Variants in RASEF observed in about 807,000 individuals in gnomAD.
The protein encoded by RASEF is ras and EF-hand domain-containing protein.
A neutral mutation model predicts 90.1 loss-of-function variants in RASEF; 68 were observed. That is an observed-to-expected ratio of 0.75 (90% confidence interval 0.62 to 0.92). The LOEUF (loss-of-function observed/expected upper bound fraction) is 0.92, where lower values mean the gene tolerates loss of function less well. Ranked by LOEUF, RASEF falls within the 40% of genes least tolerant of loss-of-function variation. The probability of loss-of-function intolerance (pLI) is 0.00; values close to 1 mark genes in which losing one functional copy is unlikely to be tolerated. For missense variants in RASEF, 949 were observed against 937.2 expected (o/e 1.01, Z -0.16); for synonymous variants, 331 against 345.2 (o/e 0.96, Z 0.46).
At chr9:83,194,394 G>A in the RASEF span, among the ~76,000 whole-genome samples, 1 of 152,194 alleles carries the variant, frequency 6.6e-6, no homozygotes, top group African/African-American at 2.4e-5. Context: ...CTAGGGTCAG[G>A]TGTGGGAGGG....
chr9:83,127,334 A>G, the RASEF span, among the ~76,000 whole-genome samples: 6 of 152,202 alleles, frequency 3.9e-5, no homozygotes, highest in African/African-American at 1.4e-4. Flanking sequence ...TTTTTTCTGT[A>G]GGACAGAAGT....
the RASEF span, among the ~76,000 whole-genome samples, chr9:83,091,476 ACCT>A: frequency 2.0e-5 from 3 of 152,206 alleles, no homozygotes; most frequent in Admixed American, 6.5e-5. Flanking sequence ...CAACACTGGG[ACCT>A]GGGAGGCAGA....
Position 83,001,149 on chromosome 9 carries a change from A to C in RASEF, c.1203-19T>G, listed in dbSNP as rs577966069. On this transcript the variant is annotated intron_variant, in intron 9 of 16. Transcript: ENST00000376447. The stretch of plus-strand genomic sequence containing the variant: ...GGATGACCTGGTAATAAAGGGGAAG[A>C]CCAATTTACCTGAGGGCTGGAAATG... 3.2e-6 allele frequency: 5 copies of C among 1,565,864 alleles called. No homozygotes were observed. The South Asian group carries it at 5.6e-5, about 17-fold the overall frequency.
chr9:83,026,658 C>G (rs1291414450), intron 1 of RASEF, among the ~76,000 whole-genome samples: 1 of 152,156 alleles, frequency 6.6e-6, no homozygotes, highest in Non-Finnish European at 1.5e-5. Context: ...AAGATGAGAT[C>G]TGAGTGGGGA....
chr9:83,141,799 T>C, the RASEF span, among the ~76,000 whole-genome samples: 2 of 152,116 alleles, frequency 1.3e-5, no homozygotes, highest in Non-Finnish European at 2.9e-5. Context: ...AAGGTTGAGG[T>C]CACGACTGGA....
chr9:83,043,373 C>T (rs989795293), intron 1 of RASEF, among the ~76,000 whole-genome samples: 8 of 146,600 alleles, frequency 5.5e-5, no homozygotes, highest in Admixed American at 1.4e-4. Context: ...AATAACTTCT[C>T]TGGAAAGAGG....
chr9:82,998,246 G>A, intron 13 of RASEF, 119 bp downstream of exon 13: 2 of 595,598 alleles, frequency 3.4e-6, no homozygotes, highest in Non-Finnish European at 6.0e-6. Flanking sequence ...ATGTAATTAT[G>A]CATATAATTA....
the RASEF span, among the ~76,000 whole-genome samples, chr9:83,192,511 C>A: frequency 5.3e-5 from 8 of 152,122 alleles, no homozygotes; most frequent in Admixed American, 3.9e-4. Flanking sequence ...ATGATGAGAG[C>A]ATGTGGACAC....
chr9:83,090,267 T>A, the RASEF span, among the ~76,000 whole-genome samples: 1 of 152,236 alleles, frequency 6.6e-6, no homozygotes, highest in South Asian at 2.1e-4. Context: ...TTTTTAGGCA[T>A]GGCTTTATTT....
intron 1 of RASEF, among the ~76,000 whole-genome samples, chr9:83,057,277 A>G (rs1057220297): frequency 6.6e-6 from 1 of 152,240 alleles, no homozygotes. Flanking sequence ...ATAATCTTAT[A>G]TCTAGAAAAC....
intron 16 of RASEF, among the ~76,000 whole-genome samples, chr9:82,985,966 C>T (rs934881627): frequency 7.2e-5 from 11 of 152,018 alleles, no homozygotes; most frequent in East Asian, 1.9e-4. Context: ...ATGGCGTTTC[C>T]GGTGGGGGTT....
chr9:83,043,937 A>C (rs1160215826), intron 1 of RASEF, among the ~76,000 whole-genome samples: 1 of 152,106 alleles, frequency 6.6e-6, no homozygotes, highest in Non-Finnish European at 1.5e-5. Flanking sequence ...GTGATTTAAC[A>C]CCAGTGCCCG....
chr9:83,046,375 C>T lies in RASEF; in HGVS notation c.431+16062G>A, dbSNP rs1353414772. Among the ~76,000 whole-genome samples the T allele has an allele frequency of 2.0e-5, 3 of 152,012 alleles. No individual in the cohort carries two copies. The East Asian group carries it at 5.8e-4, about 29-fold the overall frequency. On this transcript the variant is annotated intron_variant, in intron 1 of 16. Coordinates refer to ENST00000376447, the MANE Select transcript of RASEF (RefSeq NM_152573.4). ...AGTATAGATATCGAGTTGTCTGCAC[C>T]ATTCCTACTTTTTTTTCCATATGCC...
the RASEF span, among the ~76,000 whole-genome samples, chr9:83,072,072 C>A: frequency 6.6e-6 from 1 of 152,110 alleles, no homozygotes; most frequent in African/African-American, 2.4e-5. Flanking sequence ...AAATTATTTT[C>A]GACATTTCTG....
the RASEF span, among the ~76,000 whole-genome samples, chr9:83,162,562 C>A: frequency 6.6e-6 from 1 of 152,236 alleles, no homozygotes; most frequent in African/African-American, 2.4e-5. Context: ...GGCTTCCAGT[C>A]CAGTATGTAG....
chr9:83,036,282 G>C (rs545503221), intron 1 of RASEF, among the ~76,000 whole-genome samples: 62 of 152,360 alleles, frequency 4.1e-4, no homozygotes, highest in Non-Finnish European at 7.8e-4. Flanking sequence ...AGAAAGATTG[G>C]AAGCAGCTGC....
chr9:82,988,299 C>T (rs1401829851), intron 16 of RASEF, among the ~76,000 whole-genome samples: 3 of 152,082 alleles, frequency 2.0e-5, no homozygotes, highest in African/African-American at 7.2e-5. Flanking sequence ...TTATTCAACC[C>T]GACAGATAAA....
At chr9:83,085,105 A>C in the RASEF span, among the ~76,000 whole-genome samples, 1 of 152,296 alleles carries the variant, frequency 6.6e-6, no homozygotes, top group South Asian at 2.1e-4. Context: ...AACATCATTC[A>C]ATGTTCTCAG....
At chr9:83,021,666 A>G (rs2118557137) in intron 3 of RASEF, among the ~76,000 whole-genome samples, 1 of 152,346 alleles carries the variant, frequency 6.6e-6, no homozygotes, top group South Asian at 2.1e-4. Flanking sequence ...ATACAGTGTA[A>G]CAGCTCTTTA....
Sources: gnomAD v4.1 joint callset for allele counts (sites outside exome capture counted in the v4.1 genomes callset) on GRCh38, gnomAD v4.1.1 for gene constraint, MANE v1.5 for transcripts, NCBI Gene and HGNC (gene_info 2026-07-23, HGNC 2026-07-21) for gene names.